Variants in SORCS1 observed in about 807,000 individuals in gnomAD.
SORCS1 encodes sortilin related VPS10 domain containing receptor 1.
A neutral mutation model predicts 146.1 loss-of-function variants in SORCS1; 60 were observed. The ratio of observed to expected loss-of-function variants is 0.41; its 90% CI spans 0.33 to 0.51. SORCS1 has a LOEUF of 0.51. Among genes scored for constraint, SORCS1 ranks in the 20% least tolerant of loss-of-function variants. The pLI is 0.21. For synonymous variants in SORCS1, 637 were observed against 584.0 expected (o/e 1.09, Z -1.31); for missense variants, 1,352 against 1,487.6 (o/e 0.91, Z 1.50).
intron 9 of SORCS1, among the ~76,000 whole-genome samples, chr10:106,692,096 C>G (rs1853338853): frequency 6.6e-6 from 1 of 152,202 alleles, no homozygotes; most frequent in South Asian, 2.1e-4. Flanking sequence ...AGCTGGAGAG[C>G]AGTGGTGTGA....
intron 1 of SORCS1, among the ~76,000 whole-genome samples, chr10:107,134,517 T>C (rs1393841341): frequency 3.3e-5 from 5 of 152,106 alleles, no homozygotes; most frequent in African/African-American, 1.2e-4. Flanking sequence ...CACGTGCCTA[T>C]AGTCCCAGCT....
chr10:106,588,099 T>A lies in SORCS1; in HGVS notation c.3266-8625A>T, dbSNP rs763273028. ...GATAATATTATTTGTTTAACTCTCA[T>A]AAAACTCAAGGCTGTTCAATTACAT... On this transcript the variant is annotated intron_variant, in intron 24 of 25. Coordinates refer to ENST00000263054, the MANE Select transcript of SORCS1 (RefSeq NM_052918.5). Among the ~76,000 whole-genome samples, 4 of 152,224 alleles carry A rather than the reference T, an allele frequency of 2.6e-5. No individual in the cohort carries two copies. In the East Asian group the frequency reaches 7.7e-4, roughly 29 times the overall value.
intron 1 of SORCS1, among the ~76,000 whole-genome samples, chr10:107,002,982 G>C (rs1160106082): frequency 6.6e-6 from 1 of 152,114 alleles, no homozygotes; most frequent in Non-Finnish European, 1.5e-5. Context: ...TAGGCCGAGT[G>C]TGGTGGCTCA....
At chr10:106,826,614 T>G (rs937755149) in intron 3 of SORCS1, among the ~76,000 whole-genome samples, 1 of 152,248 alleles carries the variant, frequency 6.6e-6, no homozygotes, top group African/African-American at 2.4e-5. Context: ...TAAATTCACC[T>G]TATAAGTAGA....
intron 17 of SORCS1, among the ~76,000 whole-genome samples, chr10:106,663,414 G>T (rs894496511): frequency 6.6e-6 from 1 of 152,166 alleles, no homozygotes; most frequent in African/African-American, 2.4e-5. Context: ...TCACAGTTGT[G>T]TGGGGAAAGG....
intron 1 of SORCS1, among the ~76,000 whole-genome samples, chr10:106,985,255 G>A (rs1956416155): frequency 6.6e-6 from 1 of 152,148 alleles, no homozygotes; most frequent in Non-Finnish European, 1.5e-5. Flanking sequence ...TCATAGTTCT[G>A]TGATTGCCAT....
chr10:106,722,968 G>A (rs552237311), intron 6 of SORCS1, among the ~76,000 whole-genome samples: 1 of 152,182 alleles, frequency 6.6e-6, no homozygotes, highest in African/African-American at 2.4e-5. Context: ...CAGACCCAGT[G>A]GTTAAAGATC....
intron 1 of SORCS1, among the ~76,000 whole-genome samples, chr10:107,100,110 A>AG (rs1220023177): frequency 6.6e-6 from 1 of 152,252 alleles, no homozygotes; most frequent in Non-Finnish European, 1.5e-5. Flanking sequence ...AAATTTCCAT[A>AG]GGTTTTTAAG....
chr10:106,940,816 G>A (rs1050652405), intron 2 of SORCS1, among the ~76,000 whole-genome samples: 6 of 152,196 alleles, frequency 3.9e-5, no homozygotes, highest in Admixed American at 3.9e-4. Flanking sequence ...CCCGAGAGGT[G>A]GAGGTTTCAG....
chr10:106,836,256 C>T (rs1479849595), intron 2 of SORCS1, among the ~76,000 whole-genome samples: 3 of 151,886 alleles, frequency 2.0e-5, no homozygotes, highest in Non-Finnish European at 4.4e-5. Context: ...GGGCAGATCA[C>T]GAGGTCAGGA....
intron 1 of SORCS1, among the ~76,000 whole-genome samples, chr10:107,056,991 T>A (rs959344689): frequency 6.6e-6 from 1 of 152,244 alleles, no homozygotes. Context: ...ACGGAGACTT[T>A]CCTGATTGGC....
At chr10:106,723,018 A>G (rs953933667) in intron 6 of SORCS1, among the ~76,000 whole-genome samples, 1 of 152,174 alleles carries the variant, frequency 6.6e-6, no homozygotes, top group Admixed American at 6.6e-5. Context: ...ACACATTAAT[A>G]TATTTATTCA....
intron 1 of SORCS1, among the ~76,000 whole-genome samples, chr10:107,126,815 G>T (rs150915805): frequency 1.4e-3 from 211 of 152,114 alleles, no homozygotes; most frequent in Non-Finnish European, 2.0e-3. Flanking sequence ...TAATGAATCA[G>T]TTGCAAGCAG....
At chr10:106,801,828 C>T (rs1048495743) in intron 3 of SORCS1, among the ~76,000 whole-genome samples, 2 of 152,130 alleles carry the variant, frequency 1.3e-5, no homozygotes, top group African/African-American at 4.8e-5. Flanking sequence ...CCGTGCCCAG[C>T]TAGTATAGAC....
chr10:107,144,087 C>T (rs1968086052), intron 1 of SORCS1, among the ~76,000 whole-genome samples: 2 of 152,152 alleles, frequency 1.3e-5, no homozygotes, highest in South Asian at 4.1e-4. Context: ...GCTTATCCTT[C>T]CCCTTAGAGC....
At chr10:106,630,235 C>G (rs542668408) in intron 18 of SORCS1, among the ~76,000 whole-genome samples, 1 of 152,162 alleles carries the variant, frequency 6.6e-6, no homozygotes, top group African/African-American at 2.4e-5. Flanking sequence ...GGACACTGTA[C>G]GCAGCCCTAT....
intron 5 of SORCS1, 91 bp downstream of exon 5, chr10:106,761,497 C>T: frequency 1.9e-6 from 2 of 1,080,644 alleles, no homozygotes; most frequent in Non-Finnish European, 2.9e-6. Flanking sequence ...TATGTGAGAG[C>T]ACTGGTGAGA....
chr10:106,576,999 T>G lies in SORCS1; in HGVS notation c.*421A>C. 2 of 244,860 alleles carry G rather than the reference T, an allele frequency of 8.2e-6. No homozygotes were observed. Among genetic ancestry groups the G allele is most frequent in the South Asian group, 4.9e-5 (1 of 20,468 alleles). The allele number at this position is 244,860 out of a possible 1,614,324, so 15.2% of individuals were successfully genotyped here. ...AGAAGAAGAAAGAGGGAGAGGGGAG[T>G]GTTTTCCATTAAAATAGAGCACCTG... On this transcript the variant is annotated 3_prime_UTR_variant, in exon 26 of 26. Transcript: ENST00000263054.
intron 14 of SORCS1, among the ~76,000 whole-genome samples, chr10:106,674,328 C>CA (rs10658432): frequency 0.022 from 605 of 27,328 alleles, 128 homozygotes; most frequent in African/African-American, 0.054. Context: ...GACTCCGTCT[C>CA]AAAAAAAAAA....
Sources: allele counts gnomAD v4.1 joint callset (sites outside exome capture counted in the v4.1 genomes callset), GRCh38; gene constraint gnomAD v4.1.1; transcripts MANE v1.5; gene names NCBI Gene and HGNC (gene_info 2026-07-23, HGNC 2026-07-21).